LIN9: variants seen among roughly 807,000 people sequenced by gnomAD.
The protein encoded by LIN9 is lin-9 DREAM MuvB core complex component.
Under a neutral mutation model 78.0 loss-of-function variants are expected in LIN9, and 18 were observed. That is an observed-to-expected ratio of 0.23 (90% CI 0.16 to 0.34). The LOEUF is 0.34. LIN9 is among the 10% of genes least tolerant of loss of function. LIN9 has a pLI of 1.00. For synonymous variants in LIN9, 192 were observed against 215.2 expected (o/e 0.89, Z 0.94); for missense variants, 451 against 644.1 (o/e 0.70, Z 3.25).
chr1:226,281,572 A>T (rs889743343), intron 6 of LIN9, among the ~76,000 whole-genome samples: 1 of 152,176 alleles, frequency 6.6e-6, no homozygotes, highest in East Asian at 1.9e-4. Flanking sequence ...CACTGTACAC[A>T]TGTACTCCCA....
chr1:226,232,991 T>G lies in LIN9; in HGVS notation c.1523+105A>C, dbSNP rs1301390263. On this transcript the variant is annotated intron_variant, in intron 14 of 14. Coordinates refer to ENST00000681046, the MANE Select transcript of LIN9 (RefSeq NM_001366245.2). ...AGCTCTTACAAATATATTTAACGGA[T>G]AATAATATATGAGTACTTCACAAAT... 4.6e-6 allele frequency: 3 copies of G among 646,158 alleles called. No individual in the cohort carries two copies. In the East Asian group the frequency reaches 8.2e-5, roughly 18 times the overall value. 40.0% of individuals were successfully genotyped at this position (646,158 alleles called of 1,614,324 possible). A position where few individuals can be genotyped will look rare whatever the true frequency, so the allele number is the denominator to read the frequency against.
chr1:226,277,674 T>A, intron 7 of LIN9, 101 bp downstream of exon 7: 2 of 1,032,946 alleles, frequency 1.9e-6, no homozygotes, highest in African/African-American at 3.3e-5. Context: ...AAATATTTCT[T>A]GGTAATTAAA....
upstream of LIN9, chr1:226,309,739 C>G: frequency 7.8e-7 from 1 of 1,288,018 alleles, no homozygotes; most frequent in Non-Finnish European, 1.0e-6. Flanking sequence ...CCAGCGGCCC[C>G]TCGCGATCCG....
At chr1:226,252,318 AAATG>A (rs57329585) in intron 10 of LIN9, among the ~76,000 whole-genome samples, 2,030 of 135,876 alleles carry the variant, frequency 0.015, 38 homozygotes, top group African/African-American at 0.043. Flanking sequence ...ATAAATAAAT[AAATG>A]AATGAATGAA....
chr1:226,261,798 A>T (rs971683140), intron 10 of LIN9, among the ~76,000 whole-genome samples: 2 of 152,202 alleles, frequency 1.3e-5, no homozygotes, highest in Admixed American at 1.3e-4. Context: ...AAGGCAAAAG[A>T]CCTACTATAG....
chr1:226,275,085 C>T (rs1660553084), intron 7 of LIN9, among the ~76,000 whole-genome samples: 1 of 151,498 alleles, frequency 6.6e-6, no homozygotes, highest in Non-Finnish European at 1.5e-5. Context: ...TTCTTGTAGA[C>T]AAAAAAAATT....
At position 226,239,068 on chromosome 1, in the gene LIN9, T is replaced by C. The variant is rs777442634; in HGVS notation, c.1148A>G (p.Glu383Gly). The C allele has an allele frequency of 1.2e-6, 2 of 1,613,818 alleles. No homozygotes were observed. Among genetic ancestry groups the C allele is most frequent in the Non-Finnish European group, 1.7e-6 (2 of 1,179,902 alleles). Residue 383 changes from glutamate (E) to glycine (G), a missense_variant, in exon 12 of 15, where the codon GAA (glutamate) becomes GGA (glycine). Physicochemically the swap from Glu to Gly is moderately conservative, Grantham distance 98. Coordinates refer to ENST00000681046, the MANE Select transcript of LIN9 (RefSeq NM_001366245.2). ...AATTGTTGCATATCTCCGCTGAAAT[T>C]CAATGCTGATGGGCATGGAATATGA... The part of the protein sequence containing the change: ...LKSYSMPISI[E>G]FQRRYATIVL...
chr1:226,259,542 G>T (rs1659425868), intron 10 of LIN9, among the ~76,000 whole-genome samples: 1 of 152,034 alleles, frequency 6.6e-6, no homozygotes, highest in Non-Finnish European at 1.5e-5. Context: ...AGCTCATTCT[G>T]GGCCACAAAA....
At chr1:226,234,165 T>G (rs1466861056) in intron 12 of LIN9, among the ~76,000 whole-genome samples, 1 of 152,220 alleles carries the variant, frequency 6.6e-6, no homozygotes, top group African/African-American at 2.4e-5. Flanking sequence ...AAGGATTTCC[T>G]TTTTGTAAGT....
rs568892650 is a variant in LIN9 at position 226,268,472 on chromosome 1, A to G, written c.683-382T>C. The stretch of plus-strand genomic sequence containing the variant: ...TGTGTAGAAAATAATTAAAGAAGTT[A>G]ATACTGCAGGCCTGATGCTGCTATA... On this transcript the variant is annotated intron_variant, in intron 7 of 14. Transcript: ENST00000681046. Among the ~76,000 whole-genome samples the G allele has an allele frequency of 3.9e-5, 6 of 152,314 alleles. No homozygotes were observed. In the South Asian group the frequency reaches 1.2e-3, roughly 32 times the overall value.
chr1:226,236,803 G>A (rs1056054236), intron 12 of LIN9, among the ~76,000 whole-genome samples: 1 of 152,144 alleles, frequency 6.6e-6, no homozygotes, highest in African/African-American at 2.4e-5. Flanking sequence ...ATCCATCTAT[G>A]GCACTGAGTT....
At chr1:226,260,962 G>T (rs1424842284) in intron 10 of LIN9, among the ~76,000 whole-genome samples, 1 of 151,674 alleles carries the variant, frequency 6.6e-6, no homozygotes, top group African/African-American at 2.4e-5. Flanking sequence ...AGATTTACCT[G>T]AAGTATGCAA....
chr1:226,275,880 T>C (rs913423715), intron 7 of LIN9, among the ~76,000 whole-genome samples: 1 of 151,524 alleles, frequency 6.6e-6, no homozygotes, highest in East Asian at 1.9e-4. Context: ...TTACAAAAAT[T>C]AGCCAGGCGT....
intron 2 of LIN9, among the ~76,000 whole-genome samples, chr1:226,299,990 G>A (rs1378012552): frequency 2.6e-5 from 4 of 151,012 alleles, no homozygotes; most frequent in Non-Finnish European, 5.9e-5. Context: ...CCAGACTGGA[G>A]TGTGGTGGCG....
chr1:226,302,846 A>C (rs1662648828), intron 1 of LIN9, among the ~76,000 whole-genome samples: 1 of 152,236 alleles, frequency 6.6e-6, no homozygotes, highest in African/African-American at 2.4e-5. Context: ...GTTATGAAAC[A>C]CTTCATCTCA....
intron 4 of LIN9, among the ~76,000 whole-genome samples, chr1:226,295,435 TGA>T (rs1466670700): frequency 6.6e-6 from 1 of 151,730 alleles, no homozygotes; most frequent in Non-Finnish European, 1.5e-5. Flanking sequence ...GGCGACAGAG[TGA>T]GACTCCGTCT....
chr1:226,238,526 T>TG (rs1257536712), intron 12 of LIN9, among the ~76,000 whole-genome samples: 2 of 151,868 alleles, frequency 1.3e-5, no homozygotes, highest in African/African-American at 4.8e-5. Flanking sequence ...AGGCTGAGGT[T>TG]GGGGGATAGC....
intron 1 of LIN9, among the ~76,000 whole-genome samples, chr1:226,302,023 C>A (rs753061111): frequency 4.6e-5 from 7 of 152,158 alleles, no homozygotes; most frequent in Admixed American, 1.3e-4. Context: ...GAGCTGTGAC[C>A]GTGCCACTGC....
chr1:226,300,443 TGG>T (rs1177410415), intron 2 of LIN9, among the ~76,000 whole-genome samples: 1 of 151,780 alleles, frequency 6.6e-6, no homozygotes, highest in African/African-American at 2.4e-5. Flanking sequence ...CCCAGCTACA[TGG>T]GAAGCTGAGG....
Sources: allele counts gnomAD v4.1 joint callset (sites outside exome capture counted in the v4.1 genomes callset), GRCh38; gene constraint gnomAD v4.1.1; transcripts MANE v1.5; gene names NCBI Gene and HGNC (gene_info 2026-07-23, HGNC 2026-07-21).